Variants in COL18A1 observed in about 807,000 individuals in gnomAD.
COL18A1 encodes collagen type XVIII alpha 1 chain.
Under a neutral mutation model 168.0 loss-of-function variants are expected in COL18A1, and 133 were observed. That is an observed-to-expected ratio of 0.79 (90% confidence interval 0.69 to 0.91). The LOEUF (loss-of-function observed/expected upper bound fraction) is 0.91, where lower values mean the gene tolerates loss of function less well. Among genes scored for constraint, COL18A1 ranks in the 40% least tolerant of loss-of-function variants. The pLI is 0.00. For missense variants in COL18A1, 2,126 were observed against 1,925.4 expected (o/e 1.10, Z -1.95); for synonymous variants, 949 against 809.0 (o/e 1.17, Z -2.94).
intron 3 of COL18A1, among the ~76,000 whole-genome samples, chr21:45,472,002 C>T (rs1377207594): frequency 6.6e-6 from 1 of 152,194 alleles, no homozygotes; most frequent in Non-Finnish European, 1.5e-5. Context: ...GCCCCCCACC[C>T]AGGCACCCTG....
chr21:45,506,098 CAAACTTTT>C, intron 37 of COL18A1, 132 bp downstream of exon 37: 4 of 1,408,860 alleles, frequency 2.8e-6, no homozygotes, highest in East Asian at 2.3e-5. Flanking sequence ...CTTAAACTTT[CAAACTTTT>C]GGTAAAGTTT....
In COL18A1 at chr21:45,482,022, C is replaced by T. The variant is rs777320347; in HGVS notation, c.1671C>T (p.Ser557=). ...GPPGRTGQKG[S]LGEAGAPGHK... ...CAGGAAGGACTGGGCAGAAAGGCAG[C>T]CTGGTAAGTCTTCCCTCGAGTCCAG... The change falls in exon 14 of 42, where the codon AGC becomes AGT. Residue 557 remains serine (S), a synonymous_variant. Coordinates refer to ENST00000651438, the MANE Select transcript of COL18A1 (RefSeq NM_001379500.1). 7.9e-5 allele frequency: 128 copies of T among 1,612,648 alleles called. No individual in the cohort carries two copies. Among genetic ancestry groups the T allele is most frequent in the Middle Eastern group, 3.3e-4 (2 of 6,082 alleles).
intron 14 of COL18A1, 33 bp from the exon 15 acceptor site, chr21:45,482,762 G>C (rs780125832): frequency 1.2e-6 from 2 of 1,614,228 alleles, no homozygotes; most frequent in Admixed American, 3.3e-5. Context: ...CTGCAAGTCT[G>C]ATTTTGTCAT....
At chr21:45,482,300 T>C (rs2035927489) in intron 14 of COL18A1, 2 of 663,282 alleles carry the variant, frequency 3.0e-6, no homozygotes, top group Non-Finnish European at 5.5e-6. Context: ...AGCTTCCACG[T>C]TGGTTACGGG....
intron 2 of COL18A1, among the ~76,000 whole-genome samples, chr21:45,412,074 G>T (rs1215714691): frequency 6.6e-6 from 1 of 152,084 alleles, no homozygotes; most frequent in African/African-American, 2.4e-5. Context: ...TGGGAATGCC[G>T]GGTTTGTGGC....
intron 32 of COL18A1, chr21:45,503,005 A>G (rs2036945713): frequency 6.6e-6 from 1 of 152,220 alleles, no homozygotes; most frequent in Admixed American, 6.5e-5. Flanking sequence ...AAAAGGCACC[A>G]TTGTGAATAA....
Position 45,498,675 on chromosome 21 carries a change from T to C in COL18A1, c.2683+1014T>C, listed in dbSNP as rs2036633939. 1.5e-6 allele frequency: 1 copy of C among 675,742 alleles called. No individual in the cohort carries two copies. The highest frequency in any genetic ancestry group is 2.5e-4 in the Middle Eastern group (1 of 4,066). The allele number at this position is 675,742 out of a possible 1,614,324, so 41.9% of individuals were successfully genotyped here. On this transcript the variant is annotated intron_variant, in intron 32 of 41. Coordinates refer to ENST00000651438, the MANE Select transcript of COL18A1 (RefSeq NM_001379500.1). This position sits in a 1 kb window ranked among gnomAD's most constrained non-coding sequence, Gnocchi z 4.5. The stretch of plus-strand genomic sequence containing the variant: ...ATGGAAGATGTGCCCATGCCAGCCT[T>C]GGATCTCTCAGCGTCACACACGACG...
intron 2 of COL18A1, chr21:45,419,609 A>G (rs1313147198): frequency 6.6e-6 from 1 of 152,150 alleles, no homozygotes; most frequent in African/African-American, 2.4e-5. Flanking sequence ...TTGGGTGTAA[A>G]TGCCAGGAAG....
intron 2 of COL18A1, chr21:45,422,275 G>T: frequency 5.9e-6 from 2 of 338,338 alleles, no homozygotes; most frequent in Non-Finnish European, 1.2e-5. Flanking sequence ...ACACCCGCTT[G>T]CTCTCTGTCT....
At chr21:45,470,298 T>C (rs977792301) in intron 3 of COL18A1, among the ~76,000 whole-genome samples, 1 of 152,250 alleles carries the variant, frequency 6.6e-6, no homozygotes, top group African/African-American at 2.4e-5. Flanking sequence ...GTTTATGTTC[T>C]TTGTGGTTTT....
chr21:45,459,266 A>C (rs1321747192), intron 2 of COL18A1, among the ~76,000 whole-genome samples: 1 of 151,824 alleles, frequency 6.6e-6, no homozygotes, highest in African/African-American at 2.4e-5. Context: ...TGGGCTGGAC[A>C]CTCCCAGCCC....
rs2145966741 is a variant in COL18A1 at position 45,487,354 on chromosome 21, G to A, written c.1834-93G>A. ...CCAGGCCACCGTGGCCCCAAAGCAT[G>A]TCCCACCCTCCTCTCGGGCAGTGCC... On this transcript the variant is annotated intron_variant, in intron 16 of 41. Transcript: ENST00000651438. The A allele has an allele frequency of 2.7e-6, 4 of 1,459,264 alleles. 1 individual carries two copies. In the South Asian group the frequency reaches 4.6e-5, roughly 17 times the overall value. 90.4% of individuals were successfully genotyped at this position (1,459,264 alleles called of 1,614,324 possible).
intron 5 of COL18A1, among the ~76,000 whole-genome samples, chr21:45,476,047 C>G (rs1227249687): frequency 2.0e-5 from 3 of 152,162 alleles, no homozygotes; most frequent in Non-Finnish European, 2.9e-5. Context: ...GGAACGTGTT[C>G]CCTGCGGGGA....
rs768751253 is a variant in COL18A1 at position 45,482,010 on chromosome 21, G to A, written c.1659G>A (p.Gly553=). The A allele has an allele frequency of 1.1e-4, 171 of 1,613,370 alleles. No individual in the cohort carries two copies. The highest frequency in any genetic ancestry group is 1.0e-4 in the Non-Finnish European group (119 of 1,179,460). ...PGREGPPGRT[G]QKGSLGEAGA... Reference sequence around the variant, plus strand: ...GAGAGGGGCCCCCAGGAAGGACTGGGCAGAAAGGCAGCCTGGTAAGTCTTC... The same window carrying A: ...GAGAGGGGCCCCCAGGAAGGACTGGACAGAAAGGCAGCCTGGTAAGTCTTC... The change falls in exon 14 of 42, where the codon GGG becomes GGA. Residue 553 remains glycine, a synonymous_variant. Transcript: ENST00000651438.
At chr21:45,493,116 G>A in intron 24 of COL18A1, 47 bp from the exon 25 acceptor site, 1 of 1,524,902 alleles carries the variant, frequency 6.6e-7, no homozygotes, top group Non-Finnish European at 8.9e-7. Flanking sequence ...GTCGGGGATG[G>A]GGGAGATGCC....
rs149863819 is a variant in COL18A1, at chr21:45,506,653, A to G, written c.3216+687A>G. ...CCATGCCGCCGAAACGGCCTGTGAC[A>G]TCCGTGGGAGCCTCCATGGCAGAAC... On this transcript the variant is annotated intron_variant, in intron 37 of 41. Transcript: ENST00000651438. The G allele has an allele frequency of 5.2e-3, 890 of 171,000 alleles. 9 individuals are homozygous for G. The highest frequency in any genetic ancestry group is 0.037 in the East Asian group (244 of 6,670). 10.6% of individuals were successfully genotyped at this position (171,000 alleles called of 1,614,324 possible).
chr21:45,462,115 T>G (rs1266816042), intron 2 of COL18A1, among the ~76,000 whole-genome samples: 3 of 152,200 alleles, frequency 2.0e-5, no homozygotes, highest in Non-Finnish European at 4.4e-5. Context: ...TTCCAAAGTT[T>G]CTGTGACAAA....
At chr21:45,493,034 G>T (rs370636830) in intron 24 of COL18A1, 129 bp from the exon 25 acceptor site, 8 of 981,724 alleles carry the variant, frequency 8.1e-6, no homozygotes, top group South Asian at 1.4e-5. Context: ...GGCTGGGGCC[G>T]CGAGGGGCCC....
At chr21:45,476,541 T>C in intron 6 of COL18A1, 61 bp downstream of exon 6, 10 of 1,541,392 alleles carry the variant, frequency 6.5e-6, no homozygotes, top group Non-Finnish European at 8.8e-6. Flanking sequence ...GTGTAACGTG[T>C]GTTTGTGTGA....
Sources: gnomAD v4.1 joint callset for allele counts (sites outside exome capture counted in the v4.1 genomes callset) on GRCh38, gnomAD v4.1.1 for gene constraint, Gnocchi (gnomAD v3.1) non-coding constraint, MANE v1.5 for transcripts, NCBI Gene and HGNC (gene_info 2026-07-23, HGNC 2026-07-21) for gene names.